The following LRMDA variants were observed in gnomAD, a reference collection of about 807,000 sequenced individuals.
The protein encoded by LRMDA is leucine-rich melanocyte differentiation-associated protein.
In LRMDA, 18 loss-of-function variants were observed where a neutral mutation model predicts 29.8. That is an observed-to-expected ratio of 0.60 (90% CI 0.42 to 0.90). LRMDA has a LOEUF of 0.90. Among genes scored for constraint, LRMDA ranks in the 40% least tolerant of loss-of-function variants. The probability of loss-of-function intolerance (pLI) is 0.00; values close to 1 mark genes in which losing one functional copy is unlikely to be tolerated. For missense variants in LRMDA, 273 were observed against 273.9 expected (o/e 1.00, Z 0.02); for synonymous variants, 125 against 109.4 (o/e 1.14, Z -0.89).
intron 4 of LRMDA, among the ~76,000 whole-genome samples, chr10:76,050,853 T>C (rs1848519714): frequency 6.6e-6 from 1 of 152,140 alleles, no homozygotes; most frequent in Non-Finnish European, 1.5e-5. Context: ...AGGTTAACAG[T>C]AGACAAGTCT....
At chr10:75,552,732 C>A (rs574098197) in intron 2 of LRMDA, among the ~76,000 whole-genome samples, 2 of 151,624 alleles carry the variant, frequency 1.3e-5, no homozygotes, top group African/African-American at 4.8e-5. Context: ...TTACTATTAT[C>A]CTATAGCTCT....
At chr10:75,720,808 A>G (rs569909430) in intron 2 of LRMDA, among the ~76,000 whole-genome samples, 2 of 152,058 alleles carry the variant, frequency 1.3e-5, no homozygotes, top group Non-Finnish European at 2.9e-5. Flanking sequence ...ACCTCTGACA[A>G]TGCAGGAAGT....
intron 5 of LRMDA, among the ~76,000 whole-genome samples, chr10:76,238,808 T>TA (rs1219976252): frequency 2.0e-5 from 3 of 148,750 alleles, no homozygotes; most frequent in Non-Finnish European, 3.0e-5. Flanking sequence ...TTTTTTTTTT[T>TA]AATTTGATCA....
intron 2 of LRMDA, among the ~76,000 whole-genome samples, chr10:75,987,016 A>G (rs1847272750): frequency 6.6e-6 from 1 of 152,170 alleles, no homozygotes; most frequent in Non-Finnish European, 1.5e-5. Flanking sequence ...CACAATGAGG[A>G]GAAAGTCTTA....
chr10:76,104,248 G>A (rs1229348852), intron 5 of LRMDA, among the ~76,000 whole-genome samples: 2 of 152,048 alleles, frequency 1.3e-5, no homozygotes, highest in Non-Finnish European at 2.9e-5. Flanking sequence ...CTCCAGGGAC[G>A]GCACTATGCT....
chr10:75,875,586 C>T (rs1048059883), intron 2 of LRMDA, among the ~76,000 whole-genome samples: 1 of 152,186 alleles, frequency 6.6e-6, no homozygotes, highest in African/African-American at 2.4e-5. Flanking sequence ...GCATGCGCCA[C>T]CATGCCCAGC....
chr10:75,918,733 GA>G (rs1192484860), intron 2 of LRMDA, among the ~76,000 whole-genome samples: 3 of 152,226 alleles, frequency 2.0e-5, no homozygotes, highest in Admixed American at 2.0e-4. Context: ...GCCAGGTGGA[GA>G]AGAGGGGCTT....
intron 2 of LRMDA, among the ~76,000 whole-genome samples, chr10:75,618,909 A>G (rs1220467942): frequency 6.6e-6 from 1 of 151,762 alleles, no homozygotes; most frequent in African/African-American, 2.4e-5. Flanking sequence ...CAGCCTCCCA[A>G]GTAGCTGGGA....
chr10:76,062,491 C>T (rs1192298316), intron 5 of LRMDA, among the ~76,000 whole-genome samples: 1 of 152,146 alleles, frequency 6.6e-6, no homozygotes, highest in Non-Finnish European at 1.5e-5. Context: ...AGTCCTCACT[C>T]CCTTTCTCCC....
intron 2 of LRMDA, among the ~76,000 whole-genome samples, chr10:75,481,393 G>GA: frequency 6.6e-6 from 1 of 152,234 alleles, no homozygotes; most frequent in Admixed American, 6.5e-5. Context: ...CTGCAAAGAG[G>GA]AAAAACAGGA....
chr10:76,243,700 A>G (rs1002505204), intron 5 of LRMDA, among the ~76,000 whole-genome samples: 2 of 152,170 alleles, frequency 1.3e-5, no homozygotes, highest in African/African-American at 4.8e-5. Flanking sequence ...CATCCTTGAG[A>G]AAGCAGATAA....
intron 6 of LRMDA, among the ~76,000 whole-genome samples, chr10:76,550,267 A>G (rs1843477622): frequency 6.6e-6 from 1 of 152,220 alleles, no homozygotes; most frequent in Non-Finnish European, 1.5e-5. Flanking sequence ...ACTAGTTTAC[A>G]TGTTTGTATT....
intron 2 of LRMDA, among the ~76,000 whole-genome samples, chr10:75,586,230 C>T (rs894369003): frequency 6.7e-6 from 1 of 149,584 alleles, no homozygotes; most frequent in African/African-American, 2.5e-5. Context: ...TATGATAGTT[C>T]TATGTTTCAT....
chr10:75,795,942 A>G (rs1843644975), intron 2 of LRMDA, among the ~76,000 whole-genome samples: 1 of 151,970 alleles, frequency 6.6e-6, no homozygotes, highest in African/African-American at 2.4e-5. Context: ...AGTTACTTTT[A>G]TTATTACTTT....
chr10:76,277,217 CTG>C (rs1840146965), intron 5 of LRMDA, among the ~76,000 whole-genome samples: 1 of 152,016 alleles, frequency 6.6e-6, no homozygotes, highest in South Asian at 2.1e-4. Flanking sequence ...TCAGACGACT[CTG>C]TGATTGGGGC....
chr10:76,399,784 C>G (rs969141079), intron 6 of LRMDA, among the ~76,000 whole-genome samples: 11 of 152,164 alleles, frequency 7.2e-5, no homozygotes, highest in Admixed American at 7.2e-4. Context: ...GAACTAGTTG[C>G]CAAGTCCTGT....
chr10:76,433,462 A>T (rs779961835), intron 6 of LRMDA, among the ~76,000 whole-genome samples: 9 of 152,072 alleles, frequency 5.9e-5, no homozygotes, highest in Non-Finnish European at 1.2e-4. Context: ...CATGGGGAGG[A>T]CCTGGCGTGC....
intron 5 of LRMDA, among the ~76,000 whole-genome samples, chr10:76,132,967 T>C (rs551762121): frequency 0.016 from 603 of 37,098 alleles, 4 homozygotes; most frequent in African/African-American, 0.13. Flanking sequence ...CACGCCCGGC[T>C]TTTTTTTTTT....
rs925620780 is a variant in LRMDA at position 75,905,868 on chromosome 10, C to T, written c.132-130140C>T. Among the ~76,000 whole-genome samples the T allele has an allele frequency of 7.9e-5, 12 of 152,106 alleles. 1 individual carries two copies. The highest frequency in any genetic ancestry group is 6.2e-4 in the South Asian group (3 of 4,818). On this transcript the variant is annotated intron_variant, in intron 2 of 6. Coordinates refer to ENST00000611255, the MANE Select transcript of LRMDA (RefSeq NM_001305581.2). Reference sequence around the variant, plus strand: ...CCTCTCTCTGTCTAAGGCATTCAGCCGAGCCATTAGTCTGCTGGGGAGGAG... The same window carrying T: ...CCTCTCTCTGTCTAAGGCATTCAGCTGAGCCATTAGTCTGCTGGGGAGGAG...
Sources: gnomAD v4.1 joint callset for allele counts (sites outside exome capture counted in the v4.1 genomes callset) on GRCh38, gnomAD v4.1.1 for gene constraint, MANE v1.5 for transcripts, NCBI Gene and HGNC (gene_info 2026-07-23, HGNC 2026-07-21) for gene names.